Variants in KIRREL3 observed in about 807,000 individuals in gnomAD.
KIRREL3 encodes the protein kin of IRRE-like protein 3.
In KIRREL3, 36 loss-of-function variants were observed where a neutral mutation model predicts 89.7. The observed-to-expected ratio is 0.40, with a 90% CI of 0.31 to 0.53. KIRREL3 has a LOEUF of 0.53. KIRREL3 is among the 20% of genes least tolerant of loss of function. The pLI is 0.49. For missense variants in KIRREL3, 864 were observed against 1,056.6 expected, an observed-to-expected ratio of 0.82 and a Z score of 2.53; for synonymous variants, 445 against 441.4, an observed-to-expected ratio of 1.01 and a Z score of -0.10.
In KIRREL3 at chr11:126,686,529, G is replaced by A. The variant is rs188618915; in HGVS notation, c.56-123617C>T. ...GGCCACTGAGCGGGGAGGGTGGGGAGGGACTGTGCGTTCCTGCGCATGTTA... is the reference window on the plus strand; with the variant it reads ...GGCCACTGAGCGGGGAGGGTGGGGAAGGACTGTGCGTTCCTGCGCATGTTA... On this transcript the variant is annotated intron_variant, in intron 1 of 16. Coordinates refer to ENST00000525144, the MANE Select transcript of KIRREL3 (RefSeq NM_032531.4). The surrounding 1 kb of genome is among the most constrained non-coding windows in gnomAD (Gnocchi z 4.7). 3.6e-3 allele frequency among the ~76,000 whole-genome samples: 547 copies of A among 152,212 alleles called. 4 individuals carry two copies. The highest frequency in any genetic ancestry group is 0.013 in the African/African-American group (526 of 41,536).
chr11:126,479,400 C>T (rs1181058157), intron 4 of KIRREL3, among the ~76,000 whole-genome samples: 1 of 152,216 alleles, frequency 6.6e-6, no homozygotes, highest in African/African-American at 2.4e-5. Flanking sequence ...ACACGGCCTG[C>T]CATCTTAGAG....
intron 1 of KIRREL3, among the ~76,000 whole-genome samples, chr11:126,735,021 C>T (rs139776786): frequency 7.8e-4 from 118 of 152,244 alleles, no homozygotes; most frequent in African/African-American, 2.5e-3. Flanking sequence ...CATAACGGGG[C>T]GTTTACCCAT....
intron 1 of KIRREL3, among the ~76,000 whole-genome samples, chr11:126,803,814 T>C (rs1951115970): frequency 2.6e-5 from 4 of 152,204 alleles, no homozygotes; most frequent in Admixed American, 2.6e-4. Context: ...ATCAACTAGA[T>C]ACACTCAAGG....
rs1940255722 is a variant in KIRREL3 at position 126,563,143 on chromosome 11, C to T, written c.56-231G>A. The stretch of plus-strand genomic sequence containing the variant: ...GGATGTTTCCCCATTTTCTATCATC[C>T]CCATTTATAGATATATGAAGTTAGT... On this transcript the variant is annotated intron_variant, in intron 1 of 16. Transcript: ENST00000525144. The surrounding 1 kb of genome is among the most constrained non-coding windows in gnomAD (Gnocchi z 6.8). Among the ~76,000 whole-genome samples the T allele has an allele frequency of 6.6e-6, 1 of 152,178 alleles. No homozygotes were observed. The highest frequency in any genetic ancestry group is 6.5e-5 in the Admixed American group (1 of 15,288).
intron 1 of KIRREL3, among the ~76,000 whole-genome samples, chr11:126,888,637 T>C (rs1333597425): frequency 6.6e-6 from 1 of 152,152 alleles, no homozygotes; most frequent in Non-Finnish European, 1.5e-5. Context: ...CATTTCAGGA[T>C]TCCATGGTTC....
chr11:126,943,654 G>A lies in KIRREL3; in HGVS notation c.55+56801C>T, dbSNP rs1490196653. On this transcript the variant is annotated intron_variant, in intron 1 of 16. Transcript: ENST00000525144. This position sits in a 1 kb window ranked among gnomAD's most constrained non-coding sequence, Gnocchi z 4.2. ...TAGAAGGCAGGGAAAGGGCATGACT[G>A]CAGGGTCACCAGGGCCAGAATGACT... Among the ~76,000 whole-genome samples the A allele has an allele frequency of 1.3e-5, 2 of 152,224 alleles. No homozygotes were observed. The highest frequency in any genetic ancestry group is 2.9e-5 in the Non-Finnish European group (2 of 68,046).
In KIRREL3 at chr11:126,791,231, G is replaced by A. The variant is rs1406410296; in HGVS notation, c.55+209224C>T. ...ATTGAGGAAAGAGTACATTTTGGGG[G>A]GCCTGTACAGGGAATTTAGTGGTAT... On this transcript the variant is annotated intron_variant, in intron 1 of 16. Transcript: ENST00000525144. The surrounding 1 kb of genome is among the most constrained non-coding windows in gnomAD (Gnocchi z 4.8). 1.3e-5 allele frequency among the ~76,000 whole-genome samples: 2 copies of A among 152,164 alleles called. No homozygotes were observed. Among genetic ancestry groups the A allele is most frequent in the Admixed American group, 6.5e-5 (1 of 15,278 alleles).
At position 126,579,312 on chromosome 11, in the gene KIRREL3, AG is replaced by A. The variant is rs751062366; in HGVS notation, c.56-16401del. On this transcript the variant is annotated intron_variant, in intron 1 of 16. Transcript: ENST00000525144. This position sits in a 1 kb window ranked among gnomAD's most constrained non-coding sequence, Gnocchi z 5.3. ...ATTTCTTAAATTGCATCCAGGGCCAAGGGGTGCAAGCTGCTCTGTCAGTTAT... is the reference window on the plus strand; with the variant it reads ...ATTTCTTAAATTGCATCCAGGGCCAAGGGTGCAAGCTGCTCTGTCAGTTAT... Among the ~76,000 whole-genome samples the A allele has an allele frequency of 2.0e-5, 3 of 152,110 alleles. No homozygotes were observed. Among genetic ancestry groups the A allele is most frequent in the Non-Finnish European group, 4.4e-5 (3 of 68,018 alleles).
chr11:126,711,880 C>T (rs1947770781), intron 1 of KIRREL3, among the ~76,000 whole-genome samples: 1 of 152,172 alleles, frequency 6.6e-6, no homozygotes, highest in Non-Finnish European at 1.5e-5. Flanking sequence ...CGGTGGGAGC[C>T]GCTTCATTAT....
intron 1 of KIRREL3, among the ~76,000 whole-genome samples, chr11:126,968,604 GA>G (rs1396339084): frequency 3.3e-5 from 5 of 152,206 alleles, no homozygotes; most frequent in Admixed American, 6.5e-5. Context: ...GCGTGCTGGA[GA>G]AACTATTCAA....
chr11:126,961,544 G>T (rs1949087156), intron 1 of KIRREL3, among the ~76,000 whole-genome samples: 1 of 152,214 alleles, frequency 6.6e-6, no homozygotes, highest in African/African-American at 2.4e-5. Flanking sequence ...CAGAAGAAAT[G>T]TTGGAAGCTA....
chr11:126,785,122 G>A (rs561501694), intron 1 of KIRREL3, among the ~76,000 whole-genome samples: 3 of 152,136 alleles, frequency 2.0e-5, no homozygotes, highest in Non-Finnish European at 2.9e-5. Context: ...CTGAATCCTC[G>A]TGGGGGCAAG....
rs1365683308 is a variant in KIRREL3, at chr11:126,755,842, AGAGAGAGAGAGAGG to A, written c.56-192944_56-192931del. ...TTCAGGCAGAGAGAGAGAGAGAGAG[AGAGAGAGAGAGAGG>A]GAGAGAGGGAGAGAGAAAAAACAGA... On this transcript the variant is annotated intron_variant, in intron 1 of 16. Transcript: ENST00000525144. The surrounding 1 kb of genome is among the most constrained non-coding windows in gnomAD (Gnocchi z 4.3). Among the ~76,000 whole-genome samples the A allele has an allele frequency of 6.3e-5, 9 of 141,848 alleles. No individual in the cohort carries two copies. Among genetic ancestry groups the A allele is most frequent in the Middle Eastern group, 3.5e-3 (1 of 282 alleles). The allele number at this position is 141,848 out of a possible 152,430, so 93.1% of individuals were successfully genotyped here.
At chr11:126,440,676 G>T (rs1330007914) in intron 10 of KIRREL3, 127 bp from the exon 11 acceptor site, 2 of 863,116 alleles carry the variant, frequency 2.3e-6, no homozygotes, top group Non-Finnish European at 3.8e-6. Context: ...AGGCCTGTAT[G>T]TGCAAGGTAA....
At chr11:126,852,818 C>A (rs918004677) in intron 1 of KIRREL3, among the ~76,000 whole-genome samples, 1 of 152,208 alleles carries the variant, frequency 6.6e-6, no homozygotes, top group African/African-American at 2.4e-5. Flanking sequence ...GGGATCTTTG[C>A]TCTTGGCTTC....
At chr11:126,646,502 T>G (rs1294124208) in intron 1 of KIRREL3, among the ~76,000 whole-genome samples, 5 of 134,046 alleles carry the variant, frequency 3.7e-5, no homozygotes, top group Non-Finnish European at 7.8e-5. Context: ...TGAGACAGAG[T>G]CTCGTTCTGT....
In KIRREL3 at chr11:126,931,348, C is replaced by G. The variant is rs1000600228; in HGVS notation, c.55+69107G>C. Among the ~76,000 whole-genome samples, 18 of 33,954 alleles carry G rather than the reference C, an allele frequency of 5.3e-4. No homozygotes were observed. The highest frequency in any genetic ancestry group is 7.1e-4 in the African/African-American group (3 of 4,242). The allele number at this position is 33,954 out of a possible 152,430, so 22.3% of individuals were successfully genotyped here. On this transcript the variant is annotated intron_variant, in intron 1 of 16. Coordinates refer to ENST00000525144, the MANE Select transcript of KIRREL3 (RefSeq NM_032531.4). The surrounding 1 kb of genome is among the most constrained non-coding windows in gnomAD (Gnocchi z 5.1). Reference sequence around the variant, plus strand: ...TATTACCTGCCTTTCCTCCCTCCCTCCATACATTCCTTCTTTCCTTCCTTC... The same window carrying G: ...TATTACCTGCCTTTCCTCCCTCCCTGCATACATTCCTTCTTTCCTTCCTTC...
chr11:126,445,147 G>T lies in KIRREL3; in HGVS notation c.1126-42C>A, dbSNP rs376558662. 4.4e-6 allele frequency: 7 copies of T among 1,607,822 alleles called. No homozygotes were observed. The African/African-American group carries it at 5.3e-5, about 12-fold the overall frequency. On this transcript the variant is annotated intron_variant, in intron 9 of 16. Transcript: ENST00000525144. ...GCTCAGATGCCAAGAGCAGGCGGAG[G>T]GGTGCACTCTTGTCTCTGGGAACAA...
At position 126,923,209 on chromosome 11, in the gene KIRREL3, TC is replaced by T. The variant is rs1270550425; in HGVS notation, c.55+77245del. Among the ~76,000 whole-genome samples the T allele has an allele frequency of 3.0e-3, 35 of 11,612 alleles. 10 individuals carry two copies. Among genetic ancestry groups the T allele is most frequent in the South Asian group, 7.6e-3 (2 of 264 alleles). 7.6% of individuals were successfully genotyped at this position (11,612 alleles called of 152,430 possible). On this transcript the variant is annotated intron_variant, in intron 1 of 16. Transcript: ENST00000525144. ...CTTCTCTTCTTCTTCTTCTTCTTCT[TC>T]TTCTTCTTCTTCTTCTTCTTCTTCT...
Sources: gnomAD v4.1 joint callset for allele counts (sites outside exome capture counted in the v4.1 genomes callset) on GRCh38, gnomAD v4.1.1 for gene constraint, Gnocchi (gnomAD v3.1) non-coding constraint, MANE v1.5 for transcripts, NCBI Gene and HGNC (gene_info 2026-07-23, HGNC 2026-07-21) for gene names.